Variants in CEP128 observed in about 807,000 individuals in gnomAD.
The protein encoded by CEP128 is centrosomal protein 128kDa.
A neutral mutation model predicts 156.7 loss-of-function variants in CEP128; 132 were observed. That is an observed-to-expected ratio of 0.84 (90% CI 0.73 to 0.97). The LOEUF (loss-of-function observed/expected upper bound fraction) is 0.97. Ranked by LOEUF, CEP128 falls within the 50% of genes least tolerant of loss-of-function variation. The pLI is 0.00. For missense variants in CEP128, 1,252 were observed against 1,281.9 expected, an observed-to-expected ratio of 0.98 and a Z score of 0.36; for synonymous variants, 469 against 448.9, an observed-to-expected ratio of 1.04 and a Z score of -0.57.
intron 20 of CEP128, among the ~76,000 whole-genome samples, chr14:80,571,272 A>G (rs1017719327): frequency 2.6e-5 from 4 of 152,146 alleles, no homozygotes; most frequent in Admixed American, 2.6e-4. Context: ...GTCGTGACCA[A>G]TGTATTGGTT....
chr14:80,859,417 G>C (rs1365506394), intron 9 of CEP128, among the ~76,000 whole-genome samples: 1 of 115,768 alleles, frequency 8.6e-6, no homozygotes, highest in African/African-American at 3.3e-5. Flanking sequence ...GGAGGGGGGA[G>C]GGATAGCATT....
At chr14:80,717,053 T>C (rs1222688958) in intron 19 of CEP128, among the ~76,000 whole-genome samples, 1 of 152,204 alleles carries the variant, frequency 6.6e-6, no homozygotes, top group African/African-American at 2.4e-5. Flanking sequence ...CCTTTATCCA[T>C]TTTTTAATTG....
intron 2 of CEP128, among the ~76,000 whole-genome samples, chr14:80,925,095 C>T (rs528804069): frequency 6.6e-6 from 1 of 152,090 alleles, no homozygotes; most frequent in African/African-American, 2.4e-5. Context: ...CTAAATTGAA[C>T]TTGTCTAAGC....
intron 19 of CEP128, among the ~76,000 whole-genome samples, chr14:80,616,362 A>T (rs1016664574): frequency 6.6e-6 from 1 of 152,130 alleles, no homozygotes; most frequent in Non-Finnish European, 1.5e-5. Flanking sequence ...TTTAATCTTC[A>T]TGTCATTATA....
intron 2 of CEP128, among the ~76,000 whole-genome samples, chr14:80,935,774 A>G (rs914729146): frequency 3.3e-5 from 5 of 152,070 alleles, no homozygotes; most frequent in Non-Finnish European, 7.4e-5. Context: ...AAGCCAAAAT[A>G]AGCAATAATA....
chr14:80,591,957 A>G (rs1892090420), intron 19 of CEP128, among the ~76,000 whole-genome samples: 1 of 152,242 alleles, frequency 6.6e-6, no homozygotes, highest in Admixed American at 6.5e-5. Context: ...TTTGAAACCA[A>G]TGAGAACAAA....
At chr14:80,786,239 T>C (rs974461223) in intron 14 of CEP128, among the ~76,000 whole-genome samples, 1 of 152,170 alleles carries the variant, frequency 6.6e-6, no homozygotes, top group Non-Finnish European at 1.5e-5. Flanking sequence ...TTAACTCTTC[T>C]GGCCTCTAAT....
intron 19 of CEP128, among the ~76,000 whole-genome samples, chr14:80,598,976 T>C (rs1003279848): frequency 4.6e-5 from 7 of 152,218 alleles, no homozygotes; most frequent in Non-Finnish European, 1.0e-4. Flanking sequence ...TCAGTGTCAG[T>C]ACCCTGGTTG....
downstream of CEP128, among the ~76,000 whole-genome samples, chr14:80,485,785 T>C (rs951949681): frequency 1.3e-5 from 2 of 152,202 alleles, no homozygotes; most frequent in Non-Finnish European, 2.9e-5. Flanking sequence ...TGAGGAAACG[T>C]AGGAATTGAA....
chr14:80,617,732 A>T (rs1462188893), intron 19 of CEP128, among the ~76,000 whole-genome samples: 1 of 152,166 alleles, frequency 6.6e-6, no homozygotes, highest in African/African-American at 2.4e-5. Context: ...TCTTGAGCCC[A>T]GGAGTCGGAG....
At chr14:80,752,442 A>G (rs985645457) in intron 18 of CEP128, among the ~76,000 whole-genome samples, 1 of 152,248 alleles carries the variant, frequency 6.6e-6, no homozygotes, top group East Asian at 1.9e-4. Context: ...ACAGCAATAC[A>G]TATACTTTTG....
At chr14:80,633,792 A>G (rs1176014866) in intron 19 of CEP128, among the ~76,000 whole-genome samples, 1 of 152,172 alleles carries the variant, frequency 6.6e-6, no homozygotes, top group Non-Finnish European at 1.5e-5. Context: ...ATAAATGACT[A>G]CCTGTTTCTA....
chr14:80,838,785 A>G (rs1224620597), intron 10 of CEP128, among the ~76,000 whole-genome samples: 1 of 152,200 alleles, frequency 6.6e-6, no homozygotes, highest in East Asian at 1.9e-4. Context: ...TATTTATAAG[A>G]CATTCCTTAA....
Position 80,912,567 on chromosome 14 carries a change from A to T in CEP128, c.234+1755T>A, listed in dbSNP as rs539426553. ...GGTAATGAATCTGAAACATTTCATG[A>T]ACTGCCCAAATATAACAAAGTCTAT... On this transcript the variant is annotated intron_variant, in intron 4 of 24. Coordinates refer to ENST00000555265, the MANE Select transcript of CEP128 (RefSeq NM_152446.5). 3.2e-4 allele frequency among the ~76,000 whole-genome samples: 48 copies of T among 152,322 alleles called. 2 individuals are homozygous for T. The highest frequency in any genetic ancestry group is 1.1e-3 in the African/African-American group (47 of 41,580).
chr14:80,769,130 T>C lies in CEP128; in HGVS notation c.2377-7517A>G, dbSNP rs369670181. On this transcript the variant is annotated intron_variant, in intron 16 of 24. Transcript: ENST00000555265. ...AACAACTAGAGTTTCAAATTATGCA[T>C]TTGGAACGAACATTGTTTAATTTTC... is the stretch of plus-strand genomic sequence containing the variant. 4.2e-4 allele frequency among the ~76,000 whole-genome samples: 64 copies of C among 152,240 alleles called. No homozygotes were observed. The East Asian group carries it at 0.012, about 28-fold the overall frequency.
At chr14:80,534,350 T>C (rs115586663) in intron 21 of CEP128, among the ~76,000 whole-genome samples, 3,559 of 152,288 alleles carry the variant, frequency 0.023, 105 homozygotes, top group South Asian at 0.14. Context: ...CATTAGCAGA[T>C]GAATAGTTTA....
chr14:80,719,868 C>T (rs1897748662), intron 19 of CEP128, among the ~76,000 whole-genome samples: 1 of 152,170 alleles, frequency 6.6e-6, no homozygotes, highest in African/African-American at 2.4e-5. Flanking sequence ...GATATGGTCC[C>T]TGGCCTTAGA....
Position 80,526,909 on chromosome 14 carries a change from T to C in CEP128, c.3032A>G (p.His1011Arg), listed in dbSNP as rs575882043. The change falls in exon 23 of 25, where the codon CAT (histidine) becomes CGT (arginine). Residue 1011 changes from histidine (H) to arginine (R), a missense_variant. Transcript: ENST00000555265. ...KYRVRRNSLQHHQDDTKYRTK... is the reference protein window; with the variant it reads ...KYRVRRNSLQRHQDDTKYRTK... ...TCTGTACTTGGTGTCATCTTGGTGA[T>C]GCTGAAGAGAATTTCTGCGAACCCT... The C allele has an allele frequency of 3.1e-6, 5 of 1,611,224 alleles. No homozygotes were observed. The highest frequency in any genetic ancestry group is 2.2e-5 in the South Asian group (2 of 90,956).
chr14:80,688,023 T>C (rs1896586779), intron 19 of CEP128, among the ~76,000 whole-genome samples: 1 of 152,168 alleles, frequency 6.6e-6, no homozygotes. Context: ...CATGTTAATC[T>C]GGCTTGACTT....
Sources: gnomAD v4.1 joint callset for allele counts (sites outside exome capture counted in the v4.1 genomes callset) on GRCh38, gnomAD v4.1.1 for gene constraint, MANE v1.5 for transcripts, NCBI Gene and HGNC (gene_info 2026-07-23, HGNC 2026-07-21) for gene names.